The following MGA variants were observed in gnomAD, a reference collection of about 807,000 sequenced individuals.
MGA encodes the protein MAX dimerization protein MGA.
MGA carries 40 observed loss-of-function variants against 261.1 expected under a neutral mutation model. The ratio of observed to expected loss-of-function variants is 0.15; its 90% CI spans 0.12 to 0.20. MGA has a LOEUF of 0.20. MGA is among the 10% of genes least tolerant of loss of function. The pLI is 1.00. For synonymous variants in MGA, 1,302 were observed against 1,290.6 expected, an observed-to-expected ratio of 1.01 and a Z score of -0.19; for missense variants, 3,397 against 3,630.5, an observed-to-expected ratio of 0.94 and a Z score of 1.65.
intron 1 of MGA, among the ~76,000 whole-genome samples, chr15:41,625,334 A>G (rs375444668): frequency 2.0e-5 from 3 of 152,050 alleles, no homozygotes; most frequent in South Asian, 2.1e-4. Context: ...GTGCCAGCCA[A>G]TTTTTTTAAG....
At position 41,750,554 on chromosome 15, in the gene MGA, T is replaced by C. The variant is rs1222136197; in HGVS notation, c.6947T>C (p.Ile2316Thr). 1.2e-6 allele frequency: 2 copies of C among 1,612,190 alleles called. No individual in the cohort carries two copies. The highest frequency in any genetic ancestry group is 1.7e-6 in the Non-Finnish European group (2 of 1,179,010). Residue 2316 changes from isoleucine (I) to threonine (T), a missense_variant, in exon 17 of 24, where the codon ATT becomes ACT. Transcript: ENST00000219905. Reference sequence around the variant, plus strand: ...GATAATGAGAAAACTGATGATTCTATTGATGAAATTGTGGATGTTGTTTCT... The same window carrying C: ...GATAATGAGAAAACTGATGATTCTACTGATGAAATTGTGGATGTTGTTTCT...
chr15:41,688,924 T>A (rs1032702112), intron 2 of MGA, among the ~76,000 whole-genome samples: 1 of 152,188 alleles, frequency 6.6e-6, no homozygotes, highest in Admixed American at 6.5e-5. Flanking sequence ...TCTTATTATG[T>A]CCACACATGG....
rs377295324 is a variant in MGA, at chr15:41,724,536, TA to T, written c.3431-2638del. On this transcript the variant is annotated intron_variant, in intron 9 of 23. Coordinates refer to ENST00000219905, the MANE Select transcript of MGA (RefSeq NM_001164273.2). ...GCCATCTCTATAAAAAAGTTAAAAT[TA>T]AAAAATTAGCCAAGTGGTGTGTGCT... is the stretch of plus-strand genomic sequence containing the variant. Among the ~76,000 whole-genome samples, 641 of 152,194 alleles carry T rather than the reference TA, an allele frequency of 4.2e-3. 5 individuals are homozygous for T. Among genetic ancestry groups the T allele is most frequent in the African/African-American group, 0.015 (612 of 41,524 alleles).
At chr15:41,729,961 C>T (rs534428570) in intron 11 of MGA, among the ~76,000 whole-genome samples, 8 of 151,862 alleles carry the variant, frequency 5.3e-5, no homozygotes, top group Non-Finnish European at 7.4e-5. Context: ...GGTGTGGTCT[C>T]GGCTCAGTGC....
At position 41,766,510 on chromosome 15, in the gene MGA, C is replaced by A; in HGVS notation, c.8428C>A (p.Leu2810Met). The change falls in exon 24 of 24, where the codon CTG becomes ATG. Residue 2810 changes from leucine (L) to methionine (M), a missense_variant. By Grantham distance (15) the Leu-to-Met change is conservative. Transcript: ENST00000219905. ...AGCAGCTCTTGATTCCAGTGAACTG[C>A]TGACTAACATGGAAGATGAGGATGA... The A allele has an allele frequency of 6.2e-7, 1 of 1,613,944 alleles. No individual in the cohort carries two copies. The highest frequency in any genetic ancestry group is 1.1e-5 in the South Asian group (1 of 91,080).
intron 13 of MGA, among the ~76,000 whole-genome samples, chr15:41,737,510 ATTTAC>A (rs1334568192): frequency 6.6e-6 from 1 of 151,970 alleles, no homozygotes; most frequent in African/African-American, 2.4e-5. Context: ...ATTCAGCCAT[ATTTAC>A]TTAATTATAT....
chr15:41,767,211 G>A lies in MGA; in HGVS notation c.9129G>A (p.Met3043Ile), dbSNP rs1309137137. 2 of 1,613,910 alleles carry A rather than the reference G, an allele frequency of 1.2e-6. No individual in the cohort carries two copies. Among genetic ancestry groups the A allele is most frequent in the Admixed American group, 3.3e-5 (2 of 60,006 alleles). Residue 3043 changes from methionine (M) to isoleucine (I), a missense_variant, in exon 24 of 24, where the codon ATG becomes ATA. Transcript: ENST00000219905. ...AGGAAGGCCGGGAAAGCAAGGTGAT[G>A]CCTACATTGGCACCTGTTGTGGCTA...
intron 15 of MGA, among the ~76,000 whole-genome samples, chr15:41,745,281 T>TTAA (rs1555432883): frequency 0.03 from 1,011 of 33,184 alleles, 180 homozygotes; most frequent in Middle Eastern, 0.087. Context: ...GAATGATCAA[T>TTAA]AAAAAAAAAA....
intron 3 of MGA, 97 bp downstream of exon 3, chr15:41,697,120 A>G (rs1260972739): frequency 1.3e-5 from 14 of 1,090,898 alleles, no homozygotes; most frequent in East Asian, 5.2e-5. Context: ...TAGTTTTGTG[A>G]TATCTATTTG....
chr15:41,626,225 T>C (rs2056447145), intron 1 of MGA, among the ~76,000 whole-genome samples: 2 of 151,790 alleles, frequency 1.3e-5, no homozygotes, highest in Admixed American at 1.3e-4. Context: ...CGTAAGCTAA[T>C]GGTGACATTT....
chr15:41,754,608 T>A (rs779324777), intron 18 of MGA, 41 bp downstream of exon 18: 3 of 1,501,322 alleles, frequency 2.0e-6, no homozygotes, highest in Non-Finnish European at 2.7e-6. Context: ...TTTGTAGTTT[T>A]GTAACCAGAA....
rs749535779 is a variant in MGA, at chr15:41,754,451, A to G, written c.7023A>G (p.Glu2341=). 1.5e-5 allele frequency: 23 copies of G among 1,550,872 alleles called. No individual in the cohort carries two copies. The highest frequency in any genetic ancestry group is 2.0e-5 in the Non-Finnish European group (23 of 1,147,292). Residue 2341 remains glutamate (E), a synonymous_variant, in exon 18 of 24, where the codon GAA becomes GAG. Transcript: ENST00000219905. The stretch of plus-strand genomic sequence containing the variant: ...ATGTATTTCAGAATAACTGTGTAGA[A>G]TACATTGAGGATGATGAGGAGCACG...
At chr15:41,707,509 A>C (rs140628692) in intron 5 of MGA, among the ~76,000 whole-genome samples, 1 of 152,234 alleles carries the variant, frequency 6.6e-6, no homozygotes, top group African/African-American at 2.4e-5. Context: ...GGGTGAGGGG[A>C]GTTATACAAA....
At chr15:41,764,824 A>G (rs527715475) in intron 22 of MGA, 62 bp from the exon 23 acceptor site, 818 of 1,545,586 alleles carry the variant, frequency 5.3e-4, no homozygotes, top group Non-Finnish European at 6.9e-4. Context: ...GATTACAGGC[A>G]TGAGCCACCA....
rs376968482 is a variant in MGA at position 41,628,701 on chromosome 15, T to C, written c.-68+7403T>C. Among the ~76,000 whole-genome samples, 14 of 152,180 alleles carry C rather than the reference T, an allele frequency of 9.2e-5. No homozygotes were observed. In the South Asian group the frequency reaches 1.7e-3, roughly 18 times the overall value. On this transcript the variant is annotated intron_variant, in intron 1 of 8. Coordinates refer to the MGA transcript ENST00000566718. ...TGCTAGTAGGAAATGAGATTGAGAA[T>C]TGGCGGGGCTCAGATTGTGTAGAGC...
Position 41,636,323 on chromosome 15 carries a change from C to T in MGA, c.-68+15025C>T, listed in dbSNP as rs188701841. On this transcript the variant is annotated intron_variant, in intron 1 of 8. Coordinates refer to the MGA transcript ENST00000566718. The stretch of plus-strand genomic sequence containing the variant: ...TTTTATTTTTTTTGAGATGGAGTCT[C>T]GCTCTGTTGCCCAGGCTGGAGTGCA... Among the ~76,000 whole-genome samples, 1,503 of 151,754 alleles carry T rather than the reference C, an allele frequency of 9.9e-3. 26 individuals are homozygous for T. Among genetic ancestry groups the T allele is most frequent in the African/African-American group, 0.034 (1,425 of 41,366 alleles).
At chr15:41,718,238 T>G (rs1300529793) in intron 9 of MGA, 4 of 201,084 alleles carry the variant, frequency 2.0e-5, no homozygotes, top group African/African-American at 9.6e-5. Flanking sequence ...GATATATATC[T>G]ATCTCACTAT....
intron 13 of MGA, among the ~76,000 whole-genome samples, chr15:41,737,461 T>A (rs2061848778): frequency 6.6e-6 from 1 of 152,036 alleles, no homozygotes; most frequent in African/African-American, 2.4e-5. Context: ...GGCTGAAAAT[T>A]TTAATTTAGT....
chr15:41,726,687 C>T (rs539561606), intron 9 of MGA, among the ~76,000 whole-genome samples: 2 of 151,754 alleles, frequency 1.3e-5, no homozygotes, highest in African/African-American at 4.8e-5. Flanking sequence ...CAAGATTGCG[C>T]CATTGCACTC....
Sources: gnomAD v4.1 joint callset for allele counts (sites outside exome capture counted in the v4.1 genomes callset) on GRCh38, gnomAD v4.1.1 for gene constraint, MANE v1.5 for transcripts, NCBI Gene and HGNC (gene_info 2026-07-23, HGNC 2026-07-21) for gene names.